The following KLRG1 variants were observed in gnomAD, a reference collection of about 807,000 sequenced individuals.
KLRG1 encodes killer cell lectin-like receptor subfamily G member 1.
KLRG1 carries 16 observed loss-of-function variants against 21.8 expected under a neutral mutation model. The ratio of observed to expected loss-of-function variants is 0.73; its 90% CI spans 0.50 to 1.11. The LOEUF is 1.11. Ranked by LOEUF, KLRG1 falls within the 50% of genes most tolerant of loss-of-function variation. The probability of loss-of-function intolerance (pLI) is 0.00; values close to 1 mark genes in which losing one functional copy is unlikely to be tolerated. For missense variants in KLRG1, 173 were observed against 218.3 expected, an observed-to-expected ratio of 0.79 and a Z score of 1.31; for synonymous variants, 69 against 75.9, an observed-to-expected ratio of 0.91 and a Z score of 0.47.
chr12:9,101,756 G>A, the KLRG1 span: 2 of 1,113,936 alleles, frequency 1.8e-6, no homozygotes, highest in Non-Finnish European at 2.6e-6. Flanking sequence ...TAAGTTTACT[G>A]TCCTACCTTA....
At chr12:9,141,329 T>C in the KLRG1 span, among the ~76,000 whole-genome samples, 1 of 152,234 alleles carries the variant, frequency 6.6e-6, no homozygotes, top group East Asian at 1.9e-4. Context: ...GCTAAACCTT[T>C]ATATTAGTGT....
intron 3 of KLRG1, among the ~76,000 whole-genome samples, chr12:8,999,971 G>T (rs1947256752): frequency 6.6e-6 from 1 of 152,102 alleles, no homozygotes; most frequent in Admixed American, 6.5e-5. Flanking sequence ...GGAGGCAGAG[G>T]TCTCAGTGAG....
the KLRG1 span, among the ~76,000 whole-genome samples, chr12:9,083,999 C>T: frequency 1.3e-5 from 2 of 152,020 alleles, no homozygotes; most frequent in Non-Finnish European, 1.5e-5. Flanking sequence ...AGCAGTAACC[C>T]GGCAGGCTGA....
chr12:9,128,229 C>G, the KLRG1 span: 1 of 187,240 alleles, frequency 5.3e-6, no homozygotes. Context: ...GCCAAGATCC[C>G]GGGCAACACG....
chr12:9,205,684 A>G, the KLRG1 span, among the ~76,000 whole-genome samples: 1 of 152,224 alleles, frequency 6.6e-6, no homozygotes. Flanking sequence ...ATTTGCAAGT[A>G]AAAACTATTA....
the KLRG1 span, among the ~76,000 whole-genome samples, chr12:9,084,880 A>T: frequency 6.6e-6 from 1 of 152,124 alleles, no homozygotes; most frequent in South Asian, 2.1e-4. Context: ...AGGGGTAGCT[A>T]TACTTATATT....
At chr12:9,060,658 C>G in the KLRG1 span, among the ~76,000 whole-genome samples, 4 of 151,928 alleles carry the variant, frequency 2.6e-5, no homozygotes, top group African/African-American at 9.7e-5. Flanking sequence ...AAACAAAAAA[C>G]AAAAAACGCA....
the KLRG1 span, among the ~76,000 whole-genome samples, chr12:9,028,584 C>T: frequency 6.6e-6 from 1 of 152,082 alleles, no homozygotes; most frequent in South Asian, 2.1e-4. Flanking sequence ...GCTGGGACTA[C>T]AGGCACGCAC....
At chr12:9,014,333 A>G (rs751104679), downstream of KLRG1, among the ~76,000 whole-genome samples, 45 of 152,232 alleles carry the variant, frequency 3.0e-4, no homozygotes, top group Non-Finnish European at 5.3e-4. Flanking sequence ...AAGGTCAAGG[A>G]TAAAGAAAGG....
the KLRG1 span, chr12:9,152,083 A>G: frequency 1.4e-6 from 1 of 705,242 alleles, no homozygotes; most frequent in South Asian, 1.7e-5. Flanking sequence ...TAAATAGTTC[A>G]TTTACTTCCT....
chr12:9,095,468 TAC>T, the KLRG1 span: 163 of 1,464,778 alleles, frequency 1.1e-4, no homozygotes, highest in Non-Finnish European at 1.4e-4. Context: ...GGCATTCAAA[TAC>T]AGACTCTTTT....
At chr12:9,065,406 T>C in the KLRG1 span, among the ~76,000 whole-genome samples, 2 of 152,024 alleles carry the variant, frequency 1.3e-5, no homozygotes, top group African/African-American at 4.8e-5. Flanking sequence ...CTGGCTTCTC[T>C]CCACTGTTAG....
At chr12:9,194,735 A>G in the KLRG1 span, among the ~76,000 whole-genome samples, 3 of 152,094 alleles carry the variant, frequency 2.0e-5, no homozygotes, top group Non-Finnish European at 4.4e-5. Context: ...AAGTGCTGGG[A>G]TTACAGGCGT....
chr12:9,048,086 A>C, the KLRG1 span, among the ~76,000 whole-genome samples: 1 of 152,230 alleles, frequency 6.6e-6, no homozygotes, highest in East Asian at 1.9e-4. Context: ...TCAAGCTCAC[A>C]TGGAACATTC....
At chr12:9,022,439 A>G in the KLRG1 span, among the ~76,000 whole-genome samples, 3 of 152,300 alleles carry the variant, frequency 2.0e-5, no homozygotes, top group East Asian at 3.9e-4. Context: ...GTTCATTGTT[A>G]TGTGTGCATG....
the KLRG1 span, among the ~76,000 whole-genome samples, chr12:9,114,006 T>C: frequency 6.6e-6 from 1 of 152,144 alleles, no homozygotes. Flanking sequence ...CCTGTGAAAA[T>C]TGTATGGTAA....
chr12:9,033,747 G>A, the KLRG1 span, among the ~76,000 whole-genome samples: 2 of 152,212 alleles, frequency 1.3e-5, no homozygotes, highest in Non-Finnish European at 2.9e-5. Flanking sequence ...CTGATGACAG[G>A]GTAAGGTGGG....
At chr12:9,099,706 T>G in the KLRG1 span, among the ~76,000 whole-genome samples, 1 of 152,214 alleles carries the variant, frequency 6.6e-6, no homozygotes, top group African/African-American at 2.4e-5. Context: ...TCTGTTGATT[T>G]TTCACCAGCT....
At chr12:9,182,010 C>T in the KLRG1 span, 1 of 1,613,816 alleles carries the variant, frequency 6.2e-7, no homozygotes, top group Non-Finnish European at 8.5e-7. Context: ...TCAAATTTTT[C>T]AGAGTCTCCA....
Sources: gnomAD v4.1 joint callset for allele counts (sites outside exome capture counted in the v4.1 genomes callset) on GRCh38, gnomAD v4.1.1 for gene constraint, MANE v1.5 for transcripts, NCBI Gene and HGNC (gene_info 2026-07-23, HGNC 2026-07-21) for gene names.